Variants in TSGA10 observed in about 807,000 individuals in gnomAD.
TSGA10 encodes the protein testis specific 10.
TSGA10 carries 43 observed loss-of-function variants against 96.6 expected under a neutral mutation model. That is an observed-to-expected ratio of 0.44 (90% CI 0.35 to 0.57). The LOEUF is 0.57. Among genes scored for constraint, TSGA10 ranks in the 20% least tolerant of loss-of-function variants. The pLI, the probability that TSGA10 is intolerant of heterozygous loss-of-function variation, is 0.01. For synonymous variants in TSGA10, 229 were observed against 269.9 expected (o/e 0.85, Z 1.48); for missense variants, 703 against 834.4 (o/e 0.84, Z 1.94).
intron 16 of TSGA10, among the ~76,000 whole-genome samples, chr2:99,048,851 CAG>C (rs2083075559): frequency 6.6e-6 from 1 of 151,988 alleles, no homozygotes; most frequent in African/African-American, 2.4e-5. Flanking sequence ...GGCTAATATC[CAG>C]AGTCTACAAA....
At chr2:99,086,691 CTG>C in intron 10 of TSGA10, among the ~76,000 whole-genome samples, 1 of 152,266 alleles carries the variant, frequency 6.6e-6, no homozygotes, top group Admixed American at 6.5e-5. Context: ...ACAAGGATGA[CTG>C]TTCTCATTCT....
intron 16 of TSGA10, among the ~76,000 whole-genome samples, chr2:99,058,027 T>C (rs2084201934): frequency 6.6e-6 from 1 of 152,084 alleles, no homozygotes; most frequent in Admixed American, 6.6e-5. Context: ...TTTCAACAAA[T>C]GTTACTAAGA....
At chr2:99,077,448 C>T (rs920083797) in intron 12 of TSGA10, among the ~76,000 whole-genome samples, 3 of 152,158 alleles carry the variant, frequency 2.0e-5, no homozygotes, top group Non-Finnish European at 4.4e-5. Context: ...TCCAATGATG[C>T]TGCTTTTGCT....
At chr2:99,002,450 C>T (rs1257282933) in intron 20 of TSGA10, among the ~76,000 whole-genome samples, 1 of 152,186 alleles carries the variant, frequency 6.6e-6, no homozygotes, top group Admixed American at 6.5e-5. Flanking sequence ...GATGTTGTCA[C>T]CACCAGGCCT....
chr2:99,044,999 C>T (rs918145217), intron 16 of TSGA10, among the ~76,000 whole-genome samples: 14 of 152,038 alleles, frequency 9.2e-5, no homozygotes, highest in African/African-American at 1.9e-4. Context: ...AAAGACAGAA[C>T]GTAACAGAAT....
intron 10 of TSGA10, among the ~76,000 whole-genome samples, chr2:99,094,051 AG>A (rs2089698700): frequency 6.6e-6 from 1 of 152,236 alleles, no homozygotes; most frequent in South Asian, 2.1e-4. Context: ...ATATAAAAAT[AG>A]GCACTTAGAC....
intron 16 of TSGA10, among the ~76,000 whole-genome samples, chr2:99,051,528 C>T (rs968829872): frequency 2.6e-5 from 4 of 152,090 alleles, no homozygotes; most frequent in African/African-American, 9.7e-5. Flanking sequence ...AAATTCAATG[C>T]TCATATTCAG....
intron 9 of TSGA10, 84 bp from the exon 10 acceptor site, chr2:99,104,202 A>C (rs2091086569): frequency 6.7e-7 from 1 of 1,490,504 alleles, no homozygotes; most frequent in African/African-American, 1.4e-5. Flanking sequence ...CTCTGTACAA[A>C]CTGGTTTATG....
chr2:99,042,789 T>C (rs1266227602), intron 16 of TSGA10, among the ~76,000 whole-genome samples: 2 of 151,902 alleles, frequency 1.3e-5, no homozygotes, highest in Admixed American at 1.3e-4. Context: ...CTGCAACCTC[T>C]GCTTCCCAGG....
chr2:99,056,208 A>C (rs1204877903), intron 16 of TSGA10, among the ~76,000 whole-genome samples: 2 of 152,132 alleles, frequency 1.3e-5, no homozygotes, highest in African/African-American at 4.8e-5. Flanking sequence ...TCGTCTCAAA[A>C]AAAAAAAGAA....
At chr2:99,075,489 GA>G (rs1310892750) in intron 12 of TSGA10, among the ~76,000 whole-genome samples, 1 of 152,078 alleles carries the variant, frequency 6.6e-6, no homozygotes, top group African/African-American at 2.4e-5. Flanking sequence ...ATGGATACTA[GA>G]AAAAAATCAC....
chr2:99,022,984 C>T (rs2080179284), intron 17 of TSGA10, among the ~76,000 whole-genome samples: 1 of 152,070 alleles, frequency 6.6e-6, no homozygotes, highest in South Asian at 2.1e-4. Context: ...AGAGAAATGT[C>T]TATTAATATC....
intron 7 of TSGA10, among the ~76,000 whole-genome samples, chr2:99,107,904 C>G (rs1236070196): frequency 6.6e-6 from 1 of 152,172 alleles, no homozygotes; most frequent in Admixed American, 6.5e-5. Flanking sequence ...TTAGCTCTCT[C>G]CCTTCTCCAC....
chr2:99,129,534 C>A (rs2092976485), intron 1 of TSGA10, among the ~76,000 whole-genome samples: 3 of 152,196 alleles, frequency 2.0e-5, no homozygotes, highest in South Asian at 4.1e-4. Flanking sequence ...ACCAATCATG[C>A]TGGAGTTGCT....
intron 1 of TSGA10, among the ~76,000 whole-genome samples, chr2:99,149,121 G>T (rs114759785): frequency 2.0e-3 from 296 of 148,152 alleles, no homozygotes; most frequent in African/African-American, 6.7e-3. Context: ...AGTGAGCCGA[G>T]ATCGCACCAC....
intron 20 of TSGA10, among the ~76,000 whole-genome samples, chr2:99,010,499 T>A (rs2078912227): frequency 6.6e-6 from 1 of 152,084 alleles, no homozygotes; most frequent in Non-Finnish European, 1.5e-5. Context: ...GGGAGAAAAA[T>A]TTAACCTTAT....
chr2:99,025,884 T>G (rs1339634312), intron 17 of TSGA10, among the ~76,000 whole-genome samples: 3 of 152,206 alleles, frequency 2.0e-5, no homozygotes, highest in Non-Finnish European at 4.4e-5. Context: ...TCAATTTTCA[T>G]ATACTTGTGA....
chr2:99,149,784 T>TC lies in TSGA10; in HGVS notation c.-621+4908dup, dbSNP rs201675706. Among the ~76,000 whole-genome samples the TC allele has an allele frequency of 2.7e-3, 221 of 80,896 alleles. 39 individuals carry two copies. Among genetic ancestry groups the TC allele is most frequent in the Non-Finnish European group, 4.3e-3 (150 of 34,740 alleles). The allele number at this position is 80,896 out of a possible 152,430, so 53.1% of individuals were successfully genotyped here. On this transcript the variant is annotated intron_variant, in intron 1 of 20. Coordinates refer to ENST00000393483, the MANE Select transcript of TSGA10 (RefSeq NM_025244.4). The stretch of plus-strand genomic sequence containing the variant: ...GACTAGACATCCTTAATCACAAGTA[T>TC]CTTTTTTTTTTTTTTTTTTTTTTTT...
chr2:99,136,488 G>T (rs1365557077), intron 1 of TSGA10, among the ~76,000 whole-genome samples: 2 of 152,032 alleles, frequency 1.3e-5, no homozygotes, highest in African/African-American at 4.8e-5. Flanking sequence ...AGGTAACACT[G>T]AGAAAGAAGC....
Sources: allele counts gnomAD v4.1 joint callset (sites outside exome capture counted in the v4.1 genomes callset), GRCh38; gene constraint gnomAD v4.1.1; transcripts MANE v1.5; gene names NCBI Gene and HGNC (gene_info 2026-07-23, HGNC 2026-07-21).